Variants in AGBL1 observed in about 807,000 individuals in gnomAD.
AGBL1 encodes the protein cytosolic carboxypeptidase 4.
Under a neutral mutation model 118.9 loss-of-function variants are expected in AGBL1, and 130 were observed. The observed-to-expected ratio is 1.09, with a 90% CI of 0.95 to 1.26. AGBL1 has a LOEUF of 1.26. AGBL1 is among the 50% of genes most tolerant of loss of function. The pLI, the probability that AGBL1 is intolerant of heterozygous loss-of-function variation, is 0.00. For synonymous variants in AGBL1, 555 were observed against 478.9 expected, an observed-to-expected ratio of 1.16 and a Z score of -2.08; for missense variants, 1,584 against 1,298.1, an observed-to-expected ratio of 1.22 and a Z score of -3.38.
chr15:86,570,346 A>C (rs895009687), intron 21 of AGBL1, among the ~76,000 whole-genome samples: 2 of 152,222 alleles, frequency 1.3e-5, no homozygotes, highest in Non-Finnish European at 2.9e-5. Context: ...GGGGAAGTAC[A>C]GAGATTTATT....
At chr15:86,816,673 A>C (rs1033089549) in intron 22 of AGBL1, among the ~76,000 whole-genome samples, 3 of 152,180 alleles carry the variant, frequency 2.0e-5, no homozygotes, top group Non-Finnish European at 4.4e-5. Context: ...ATGTAGTAAA[A>C]AAAACACAAA....
chr15:86,100,342 T>C (rs181647731), intron 1 of AGBL1, among the ~76,000 whole-genome samples: 18 of 152,266 alleles, frequency 1.2e-4, no homozygotes, highest in Non-Finnish European at 1.9e-4. Context: ...GCTGACCTTG[T>C]AGAATGAATT....
At chr15:86,206,884 C>G (rs1226435008) in intron 5 of AGBL1, among the ~76,000 whole-genome samples, 1 of 152,178 alleles carries the variant, frequency 6.6e-6, no homozygotes, top group South Asian at 2.1e-4. Context: ...AAGTCCTTGT[C>G]TATGCCTGTG....
At chr15:86,313,136 A>G (rs2079945141) in intron 17 of AGBL1, among the ~76,000 whole-genome samples, 7 of 152,158 alleles carry the variant, frequency 4.6e-5, no homozygotes, top group Admixed American at 4.6e-4. Flanking sequence ...GGAACACTTT[A>G]GTCATGGTAA....
chr15:86,757,289 A>C (rs2077956707), intron 22 of AGBL1, among the ~76,000 whole-genome samples: 1 of 152,038 alleles, frequency 6.6e-6, no homozygotes, highest in Non-Finnish European at 1.5e-5. Flanking sequence ...GTTTCTCTAC[A>C]TTCTCTCATT....
At chr15:86,472,783 A>C (rs1161069775) in intron 18 of AGBL1, among the ~76,000 whole-genome samples, 2 of 152,076 alleles carry the variant, frequency 1.3e-5, no homozygotes, top group Admixed American at 1.3e-4. Context: ...GCCAGGTGTG[A>C]TGGCACAGGC....
chr15:86,601,982 A>G (rs1453955081), intron 21 of AGBL1, among the ~76,000 whole-genome samples: 1 of 152,090 alleles, frequency 6.6e-6, no homozygotes, highest in African/African-American at 2.4e-5. Flanking sequence ...TTTATGAATT[A>G]TCTCCATTAA....
chr15:86,152,247 C>G (rs1232560518), intron 3 of AGBL1, among the ~76,000 whole-genome samples: 1 of 152,180 alleles, frequency 6.6e-6, no homozygotes, highest in Non-Finnish European at 1.5e-5. Context: ...CTGGAGACAT[C>G]ATGCTACCTG....
At chr15:86,097,855 A>ATATGGTAGT (rs1029626199) in intron 1 of AGBL1, among the ~76,000 whole-genome samples, 21 of 152,244 alleles carry the variant, frequency 1.4e-4, no homozygotes, top group Non-Finnish European at 2.6e-4. Context: ...TTGCTGGATC[A>ATATGGTAGT]TATGGTAGTT....
At chr15:86,104,945 C>A (rs1433721206) in intron 1 of AGBL1, 1 of 152,208 alleles carries the variant, frequency 6.6e-6, no homozygotes, top group East Asian at 1.9e-4. Flanking sequence ...GAATGTGGAC[C>A]ACTGGGAGCC....
chr15:86,755,514 C>T (rs2077923728), intron 22 of AGBL1, among the ~76,000 whole-genome samples: 1 of 152,216 alleles, frequency 6.6e-6, no homozygotes, highest in African/African-American at 2.4e-5. Flanking sequence ...TTTCCTGAGT[C>T]TTTTCTGTTT....
At chr15:86,568,228 TC>T (rs1417352696) in intron 21 of AGBL1, among the ~76,000 whole-genome samples, 1 of 152,158 alleles carries the variant, frequency 6.6e-6, no homozygotes, top group Admixed American at 6.5e-5. Flanking sequence ...CTTTGAACAG[TC>T]TTCGTATGTG....
Position 86,749,438 on chromosome 15 carries a change from T to C in AGBL1, c.3158+75002T>C, listed in dbSNP as rs372240506. ...GAGACAATGGGGTTTTCTAGATATA[T>C]AATCATGTCATCTGCAAACAGGGGC... is the stretch of plus-strand genomic sequence containing the variant. On this transcript the variant is annotated intron_variant, in intron 22 of 22. Transcript: ENST00000614907. Among the ~76,000 whole-genome samples, 25 of 152,060 alleles carry C rather than the reference T, an allele frequency of 1.6e-4. No homozygotes were observed. In the South Asian group the frequency reaches 2.5e-3, roughly 15 times the overall value.
At chr15:86,475,942 T>G (rs955262623) in intron 18 of AGBL1, among the ~76,000 whole-genome samples, 3 of 152,100 alleles carry the variant, frequency 2.0e-5, no homozygotes, top group African/African-American at 7.2e-5. Flanking sequence ...AGAAACGAAT[T>G]TTCAACCCAG....
rs142806595 is a variant in AGBL1 at position 86,960,529 on chromosome 15, G to A, written c.3222-27458G>A. Among the ~76,000 whole-genome samples the A allele has an allele frequency of 1.3e-4, 19 of 151,708 alleles. 1 individual carries two copies. The South Asian group carries it at 3.1e-3, about 25-fold the overall frequency. On this transcript the variant is annotated intron_variant, in intron 23 of 24. Coordinates refer to the AGBL1 transcript ENST00000441037. ...AAGAAAACAGGACCCTTATATATTC[G>A]GTAAGGATGTAAATTAGTACAGTAT... is the stretch of plus-strand genomic sequence containing the variant.
chr15:86,623,073 A>T (rs1206776603), intron 21 of AGBL1, among the ~76,000 whole-genome samples: 1 of 152,218 alleles, frequency 6.6e-6, no homozygotes, highest in Non-Finnish European at 1.5e-5. Context: ...CAGTAATGCA[A>T]GCGATGGGAG....
intron 21 of AGBL1, among the ~76,000 whole-genome samples, chr15:86,674,042 T>C (rs78622387): frequency 1.3e-5 from 2 of 152,234 alleles, no homozygotes; most frequent in East Asian, 3.9e-4. Flanking sequence ...ACCAGCTCAT[T>C]ATTGTCATGG....
rs1597544745 is a variant in AGBL1 at position 86,203,693 on chromosome 15, T to G, written c.489-21221T>G. Among the ~76,000 whole-genome samples, 5 of 152,304 alleles carry G rather than the reference T, an allele frequency of 3.3e-5. No individual in the cohort carries two copies. In the South Asian group the frequency reaches 1.0e-3, roughly 32 times the overall value. ...CTTTGTGTCTTTTCTTTCAAAAATT[T>G]GTTGAGGTATTTGTTTGACTGGTGA... On this transcript the variant is annotated intron_variant, in intron 5 of 22. Transcript: ENST00000614907.
intron 22 of AGBL1, among the ~76,000 whole-genome samples, chr15:86,737,226 T>C (rs1190093596): frequency 6.6e-6 from 1 of 151,626 alleles, no homozygotes; most frequent in African/African-American, 2.4e-5. Flanking sequence ...GCTGGGGAAG[T>C]AGTAGGGCCT....
Sources: gnomAD v4.1 joint callset for allele counts (sites outside exome capture counted in the v4.1 genomes callset) on GRCh38, gnomAD v4.1.1 for gene constraint, MANE v1.5 for transcripts, NCBI Gene and HGNC (gene_info 2026-07-23, HGNC 2026-07-21) for gene names.